Variants in TRIM49D1 observed in about 807,000 individuals in gnomAD.
The protein encoded by TRIM49D1 is tripartite motif containing 49D1.
chr11:89,911,451 G>GT lies in TRIM49D1; in HGVS notation c.*135dup, dbSNP rs1162709586. 3.7e-6 allele frequency: 4 copies of GT among 1,077,946 alleles called. No individual in the cohort carries two copies. The highest frequency in any genetic ancestry group is 5.5e-6 in the Non-Finnish European group (4 of 728,698). The allele number at this position is 1,077,946 out of a possible 1,614,324, so 66.8% of individuals were successfully genotyped here. The stretch of plus-strand genomic sequence containing the variant: ...CATTTAATAGTAACACAATAAATGA[G>GT]TTTTAATAACATTAGAATGCAATTC... On this transcript the variant is annotated 3_prime_UTR_variant, in exon 8 of 8. Transcript: ENST00000420869.
chr11:89,921,778 C>T (rs1403153769), intron 1 of TRIM49D1, 74 bp downstream of exon 1: 6 of 151,992 alleles, frequency 3.9e-5, no homozygotes, highest in East Asian at 1.9e-4. Flanking sequence ...CAGTCCCATT[C>T]GCTATTTTAA....
intron 1 of TRIM49D1, among the ~76,000 whole-genome samples, chr11:89,921,199 C>T (rs1413433668): frequency 1.3e-5 from 2 of 151,962 alleles, no homozygotes; most frequent in East Asian, 3.9e-4. Context: ...TTGCCAATCT[C>T]GTGGGTGAAA....
chr11:89,920,691 T>A (rs1309068094), intron 1 of TRIM49D1, among the ~76,000 whole-genome samples, 182 bp from the exon 2 acceptor site: 2 of 152,016 alleles, frequency 1.3e-5, no homozygotes, highest in Non-Finnish European at 2.9e-5. Context: ...TTAACTAAGA[T>A]GCATTTTATA....
At chr11:89,920,960 A>C (rs1440092820) in intron 1 of TRIM49D1, among the ~76,000 whole-genome samples, 6 of 152,032 alleles carry the variant, frequency 3.9e-5, no homozygotes, top group African/African-American at 1.2e-4. Flanking sequence ...CTGTTCTCCA[A>C]CTCCTGTCTT....
chr11:89,920,647 C>T (rs370588537), intron 1 of TRIM49D1, among the ~76,000 whole-genome samples, 138 bp from the exon 2 acceptor site: 7 of 152,078 alleles, frequency 4.6e-5, no homozygotes, highest in African/African-American at 1.5e-4. Flanking sequence ...TCATATGTAA[C>T]ATAAATCCTA....
rs1191940623 is a variant in TRIM49D1, at chr11:89,921,856, G to A, written c.-220C>T. The A allele has an allele frequency of 6.6e-6, 1 of 152,068 alleles. No individual in the cohort carries two copies. The highest frequency in any genetic ancestry group is 1.5e-5 in the Non-Finnish European group (1 of 68,040). The allele number at this position is 152,068 out of a possible 1,614,324, so 9.4% of individuals were successfully genotyped here. On this transcript the variant is annotated 5_prime_UTR_variant, in exon 1 of 8. Coordinates refer to ENST00000420869, the MANE Select transcript of TRIM49D1 (RefSeq NM_001384911.1). ...CACTGATGAAGTCAGGCTTACCTGA[G>A]TACACTTGCTAGTTACAAGAGCAGG...
intron 1 of TRIM49D1, among the ~76,000 whole-genome samples, chr11:89,921,094 A>G (rs2388212): frequency 6.6e-6 from 1 of 152,068 alleles, no homozygotes; most frequent in Non-Finnish European, 1.5e-5. Flanking sequence ...CAACAGGAAG[A>G]TAAAACTTTT....
At chr11:89,912,167 G>GTTTTC in intron 7 of TRIM49D1, 81 bp from the exon 8 acceptor site, 1 of 1,201,302 alleles carries the variant, frequency 8.3e-7, no homozygotes, top group Non-Finnish European at 1.1e-6. Flanking sequence ...GCATAGGCAT[G>GTTTTC]TGTAGATAAG....
Position 89,921,854 on chromosome 11 carries a change from G to A in TRIM49D1, c.-218C>T, listed in dbSNP as rs1252453966. The A allele has an allele frequency of 6.6e-6, 1 of 152,084 alleles. No individual in the cohort carries two copies. Among genetic ancestry groups the A allele is most frequent in the African/African-American group, 2.4e-5 (1 of 41,362 alleles). The allele number at this position is 152,084 out of a possible 1,614,324, so 9.4% of individuals were successfully genotyped here. A position where few individuals can be genotyped will look rare whatever the true frequency, so the allele number is the denominator to read the frequency against. ...TTCACTGATGAAGTCAGGCTTACCT[G>A]AGTACACTTGCTAGTTACAAGAGCA... On this transcript the variant is annotated splice_region_variant and 5_prime_UTR_variant, in exon 1 of 8. Transcript: ENST00000420869.
chr11:89,920,990 G>C (rs1950328573), intron 1 of TRIM49D1, among the ~76,000 whole-genome samples: 1 of 152,022 alleles, frequency 6.6e-6, no homozygotes, highest in Admixed American at 6.6e-5. Flanking sequence ...CTCTGGTCTT[G>C]GACTTCCAAA....
Position 89,911,518 on chromosome 11 carries a change from CAAGG to C in TRIM49D1, c.*65_*68del. The C allele has an allele frequency of 3.6e-6, 2 of 560,774 alleles. No homozygotes were observed. Among genetic ancestry groups the C allele is most frequent in the Middle Eastern group, 1.0e-3 (2 of 1,934 alleles). 34.7% of individuals were successfully genotyped at this position (560,774 alleles called of 1,614,324 possible). ...CGTATTTGTCCTGTTTGATAAGGCA[CAAGG>C]AAGAGGGCTTTCTGGGATAAAGGGG... On this transcript the variant is annotated 3_prime_UTR_variant, in exon 8 of 8. Transcript: ENST00000420869.
chr11:89,920,988 T>A (rs1950328548), intron 1 of TRIM49D1, among the ~76,000 whole-genome samples: 1 of 152,100 alleles, frequency 6.6e-6, no homozygotes, highest in African/African-American at 2.4e-5. Flanking sequence ...TCCTCTGGTC[T>A]TGGACTTCCA....
At chr11:89,921,507 G>C (rs1396888310) in intron 1 of TRIM49D1, 1 of 152,010 alleles carries the variant, frequency 6.6e-6, no homozygotes, top group Non-Finnish European at 1.5e-5. Context: ...AAGAGTGTCA[G>C]AACAGTGAAG....
At chr11:89,921,532 C>T (rs1950332279) in intron 1 of TRIM49D1, 1 of 151,914 alleles carries the variant, frequency 6.6e-6, no homozygotes, top group Non-Finnish European at 1.5e-5. Flanking sequence ...ATCTGTCAGC[C>T]CTATGTCTGT....
intron 7 of TRIM49D1, 33 bp from the exon 8 acceptor site, chr11:89,912,119 TA>T (rs1950318145): frequency 7.6e-7 from 1 of 1,324,466 alleles, no homozygotes; most frequent in Admixed American, 3.3e-5. Flanking sequence ...AATAAATAAA[TA>T]AATAAATAAA....
chr11:89,920,748 C>T (rs141397393), intron 1 of TRIM49D1, among the ~76,000 whole-genome samples: 4 of 152,058 alleles, frequency 2.6e-5, no homozygotes, highest in East Asian at 1.9e-4. Flanking sequence ...TCTAAGGGCA[C>T]ATTTATTTAT....
rs1296123419 is a variant in TRIM49D1, at chr11:89,920,384, G to T, written c.-90C>A. On this transcript the variant is annotated 5_prime_UTR_variant, in exon 2 of 8. Coordinates refer to ENST00000420869, the MANE Select transcript of TRIM49D1 (RefSeq NM_001384911.1). The stretch of plus-strand genomic sequence containing the variant: ...CCTCAAGGTCAGGAGCTCATTCGCC[G>T]CAGTACTGAGTTTCAGAGGTCACCA... The T allele has an allele frequency of 4.9e-6, 1 of 204,806 alleles. No homozygotes were observed. Among genetic ancestry groups the T allele is most frequent in the Non-Finnish European group, 8.6e-6 (1 of 116,540 alleles). 12.7% of individuals were successfully genotyped at this position (204,806 alleles called of 1,614,324 possible). A position where few individuals can be genotyped will look rare whatever the true frequency, so the allele number is the denominator to read the frequency against.
chr11:89,921,078 G>T (rs72479299), intron 1 of TRIM49D1, among the ~76,000 whole-genome samples: 5,567 of 152,144 alleles, frequency 0.037, 150 homozygotes, highest in Non-Finnish European at 0.053. Context: ...TATTCGAAGA[G>T]AAGTCCAACA....
chr11:89,921,376 A>T (rs1950331478), intron 1 of TRIM49D1, among the ~76,000 whole-genome samples: 1 of 152,052 alleles, frequency 6.6e-6, no homozygotes, highest in South Asian at 2.1e-4. Flanking sequence ...TTTTCTTTCT[A>T]TAACAAATAT....
Sources: allele counts gnomAD v4.1 joint callset (sites outside exome capture counted in the v4.1 genomes callset), GRCh38; gene constraint gnomAD v4.1.1; transcripts MANE v1.5; gene names NCBI Gene and HGNC (gene_info 2026-07-23, HGNC 2026-07-21).